Variants in B3GLCT observed in about 807,000 individuals in gnomAD.
B3GLCT encodes the protein beta-1,3-glucosyltransferase.
In B3GLCT, 65 loss-of-function variants were observed where a neutral mutation model predicts 63.4. The ratio of observed to expected loss-of-function variants is 1.03; its 90% confidence interval spans 0.84 to 1.26. B3GLCT has a LOEUF of 1.26. Among genes scored for constraint, B3GLCT ranks in the 50% most tolerant of loss-of-function variants. The pLI, the probability that B3GLCT is intolerant of heterozygous loss-of-function variation, is 0.00. For missense variants in B3GLCT, 577 were observed against 604.8 expected (o/e 0.95, Z 0.48); for synonymous variants, 233 against 219.2 (o/e 1.06, Z -0.55).
intron 1 of B3GLCT, among the ~76,000 whole-genome samples, chr13:31,209,020 C>A (rs1869126302): frequency 6.6e-6 from 1 of 152,162 alleles, no homozygotes; most frequent in African/African-American, 2.4e-5. Context: ...TGAGGTATTT[C>A]TGCCACCAAG....
Position 31,317,554 on chromosome 13 carries a change from T to C in B3GLCT, c.1065-12T>C. On this transcript the variant is annotated splice_polypyrimidine_tract_variant and intron_variant, in intron 12 of 14. Transcript: ENST00000343307. ...CAAATAATCATGATTTGTGTTCCCT[T>C]TGGCATCTCAGTATCTCCAGGCTCC... The C allele has an allele frequency of 6.2e-7, 1 of 1,613,988 alleles. No homozygotes were observed. Among genetic ancestry groups the C allele is most frequent in the Non-Finnish European group, 8.5e-7 (1 of 1,179,892 alleles).
chr13:31,239,244 A>G (rs1870811309), intron 4 of B3GLCT, among the ~76,000 whole-genome samples: 1 of 152,158 alleles, frequency 6.6e-6, no homozygotes, highest in Non-Finnish European at 1.5e-5. Context: ...GGCTTCCTAA[A>G]TGCAGATCTG....
intron 4 of B3GLCT, among the ~76,000 whole-genome samples, chr13:31,245,998 G>A (rs1566060131): frequency 6.6e-6 from 1 of 152,074 alleles, no homozygotes; most frequent in Non-Finnish European, 1.5e-5. Flanking sequence ...TAAAATAAAT[G>A]AGATTTACTT....
chr13:31,210,043 T>A (rs1208502168), intron 1 of B3GLCT, among the ~76,000 whole-genome samples: 1 of 152,182 alleles, frequency 6.6e-6, no homozygotes, highest in African/African-American at 2.4e-5. Context: ...TACTCGCCAG[T>A]TTTCTTGCAC....
intron 12 of B3GLCT, among the ~76,000 whole-genome samples, chr13:31,316,407 T>TATATATATATATATATATATATA (rs1555255282): frequency 2.4e-5 from 1 of 40,866 alleles, no homozygotes; most frequent in Non-Finnish European, 5.4e-5. Flanking sequence ...TTTGGAGGTT[T>TATATATATATATATATATATATA]TATATATATA....
At chr13:31,238,782 G>A (rs2137790358) in intron 4 of B3GLCT, among the ~76,000 whole-genome samples, 1 of 152,174 alleles carries the variant, frequency 6.6e-6, no homozygotes, top group Middle Eastern at 3.4e-3. Flanking sequence ...TCTCAAAAGA[G>A]AAAAAAATTG....
At chr13:31,221,254 G>A (rs1350304678) in intron 2 of B3GLCT, among the ~76,000 whole-genome samples, 3 of 152,362 alleles carry the variant, frequency 2.0e-5, no homozygotes, top group South Asian at 4.1e-4. Flanking sequence ...AGCCAAAGCT[G>A]TGGCATCCAG....
At chr13:31,218,511 A>G (rs1869667403) in intron 2 of B3GLCT, among the ~76,000 whole-genome samples, 1 of 151,972 alleles carries the variant, frequency 6.6e-6, no homozygotes, top group African/African-American at 2.4e-5. Flanking sequence ...TTGCTTTCTT[A>G]ATTTGCTGTC....
chr13:31,224,163 G>A (rs1467511227), intron 3 of B3GLCT, among the ~76,000 whole-genome samples: 2 of 152,160 alleles, frequency 1.3e-5, no homozygotes, highest in East Asian at 3.9e-4. Context: ...TGGGGTCTGC[G>A]AGCAGCTGTA....
In B3GLCT at chr13:31,331,306, C is replaced by T. The variant is rs971902086; in HGVS notation, c.*1638C>T. 2 of 152,220 alleles carry T rather than the reference C, an allele frequency of 1.3e-5. No individual in the cohort carries two copies. Among genetic ancestry groups the T allele is most frequent in the African/African-American group, 2.4e-5 (1 of 41,448 alleles). 9.4% of individuals were successfully genotyped at this position (152,220 alleles called of 1,614,324 possible). Reference sequence around the variant, plus strand: ...AAAGAGTCTCCAGTTCTGCTCTGGCCTACTAACTGTTACCACTGAGAGAAC... The same window carrying T: ...AAAGAGTCTCCAGTTCTGCTCTGGCTTACTAACTGTTACCACTGAGAGAAC... On this transcript the variant is annotated 3_prime_UTR_variant, in exon 15 of 15. Transcript: ENST00000343307.
At chr13:31,203,182 A>G (rs1437363571) in intron 1 of B3GLCT, among the ~76,000 whole-genome samples, 1 of 152,194 alleles carries the variant, frequency 6.6e-6, no homozygotes, top group Non-Finnish European at 1.5e-5. Flanking sequence ...GCAATGAGTC[A>G]GAAATTTTAG....
chr13:31,201,577 T>C (rs1252645286), intron 1 of B3GLCT, among the ~76,000 whole-genome samples: 1 of 152,158 alleles, frequency 6.6e-6, no homozygotes, highest in East Asian at 1.9e-4. Context: ...GCTGCATCAG[T>C]TGGCTTGTTG....
chr13:31,276,412 G>A (rs986361080), intron 9 of B3GLCT, among the ~76,000 whole-genome samples: 3 of 152,148 alleles, frequency 2.0e-5, no homozygotes, highest in African/African-American at 7.2e-5. Context: ...TAGCAGCCTT[G>A]CAGTGGTTAT....
In B3GLCT at chr13:31,292,333, T is replaced by C. The variant is rs190524217; in HGVS notation, c.1064+5514T>C. Among the ~76,000 whole-genome samples the C allele has an allele frequency of 2.8e-3, 425 of 152,324 alleles. 2 individuals carry two copies. The highest frequency in any genetic ancestry group is 4.2e-3 in the Non-Finnish European group (286 of 68,022). ...AATGAGGCTGGCCTTATAAAATGAG[T>C]TAGGGAGGATTCCCTCTCTTTTTAT... On this transcript the variant is annotated intron_variant, in intron 12 of 14. Transcript: ENST00000343307.
intron 6 of B3GLCT, among the ~76,000 whole-genome samples, chr13:31,249,976 G>A (rs926753400): frequency 2.6e-5 from 4 of 152,128 alleles, no homozygotes; most frequent in African/African-American, 9.7e-5. Context: ...TCATCTTTCA[G>A]TCATTCTTAC....
intron 1 of B3GLCT, 64 bp downstream of exon 1, chr13:31,200,218 G>C (rs1338304812): frequency 9.4e-7 from 1 of 1,062,572 alleles, no homozygotes; most frequent in Non-Finnish European, 1.2e-6. Flanking sequence ...AGTCGCCCGT[G>C]CCCCGGTCGG....
intron 3 of B3GLCT, among the ~76,000 whole-genome samples, chr13:31,226,811 A>G (rs1041856107): frequency 2.0e-5 from 3 of 152,238 alleles, no homozygotes; most frequent in African/African-American, 7.2e-5. Flanking sequence ...AAGAAGTTAT[A>G]AAGAGAATAA....
chr13:31,276,992 C>T (rs887893330), intron 10 of B3GLCT, among the ~76,000 whole-genome samples: 5 of 151,958 alleles, frequency 3.3e-5, no homozygotes, highest in African/African-American at 9.7e-5. Flanking sequence ...TGGTCATAGC[C>T]GATACTGCTT....
Position 31,316,038 on chromosome 13 carries a change from A to G in B3GLCT, c.1065-1528A>G, listed in dbSNP as rs543580471. On this transcript the variant is annotated intron_variant, in intron 12 of 14. Transcript: ENST00000343307. ...CCTCTGCCTAGATTTCAGAGAATGTACGGAAATACCTGGATGTCCAGGCAG... is the reference window on the plus strand; with the variant it reads ...CCTCTGCCTAGATTTCAGAGAATGTGCGGAAATACCTGGATGTCCAGGCAG... 2.1e-4 allele frequency among the ~76,000 whole-genome samples: 32 copies of G among 152,318 alleles called. No individual in the cohort carries two copies. In the East Asian group the frequency reaches 5.6e-3, roughly 27 times the overall value.
Sources: allele counts gnomAD v4.1 joint callset (sites outside exome capture counted in the v4.1 genomes callset), GRCh38; gene constraint gnomAD v4.1.1; transcripts MANE v1.5; gene names NCBI Gene and HGNC (gene_info 2026-07-23, HGNC 2026-07-21).